CC2D2B: variants seen among roughly 807,000 people sequenced by gnomAD.
CC2D2B encodes the protein coiled-coil and C2 domain containing 2B.
Under a neutral mutation model 161.2 loss-of-function variants are expected in CC2D2B, and 128 were observed. That is an observed-to-expected ratio of 0.79 (90% CI 0.69 to 0.92). CC2D2B has a LOEUF of 0.92. CC2D2B is among the 40% of genes least tolerant of loss of function. The pLI is 0.00. For synonymous variants in CC2D2B, 391 were observed against 449.8 expected, an observed-to-expected ratio of 0.87 and a Z score of 1.65; for missense variants, 1,173 against 1,375.1, an observed-to-expected ratio of 0.85 and a Z score of 2.32.
chr10:95,969,456 C>T (rs989398996), intron 15 of CC2D2B, among the ~76,000 whole-genome samples: 2 of 151,194 alleles, frequency 1.3e-5, no homozygotes, highest in Non-Finnish European at 2.9e-5. Flanking sequence ...AGACAACAAA[C>T]GAGTCTAGAC....
At chr10:95,956,296 G>C (rs1474789230) in intron 11 of CC2D2B, among the ~76,000 whole-genome samples, 1 of 151,616 alleles carries the variant, frequency 6.6e-6, no homozygotes, top group African/African-American at 2.4e-5. Flanking sequence ...CACACACAAA[G>C]ACAGCATGAA....
chr10:95,918,530 G>A (rs528734068), intron 2 of CC2D2B, among the ~76,000 whole-genome samples: 146 of 152,246 alleles, frequency 9.6e-4, no homozygotes, highest in Non-Finnish European at 2.0e-3. Flanking sequence ...TTCCCTTGCT[G>A]CTTTTAGGAT....
At chr10:96,019,182 A>G in intron 30 of CC2D2B, 21 bp from the exon 31 acceptor site, 4 of 1,549,190 alleles carry the variant, frequency 2.6e-6, no homozygotes, top group Non-Finnish European at 3.5e-6. Context: ...ACCAAAAATT[A>G]CTTTCTTTTT....
rs923153700 is a variant in CC2D2B at position 95,968,594 on chromosome 10, T to G, written c.1467-130T>G. 2.2e-5 allele frequency: 9 copies of G among 401,940 alleles called. No individual in the cohort carries two copies. The East Asian group carries it at 3.3e-4, about 15-fold the overall frequency. 24.9% of individuals were successfully genotyped at this position (401,940 alleles called of 1,614,324 possible). A position where few individuals can be genotyped will look rare whatever the true frequency, so the allele number is the denominator to read the frequency against. On this transcript the variant is annotated intron_variant, in intron 14 of 34. Transcript: ENST00000646931. The stretch of plus-strand genomic sequence containing the variant: ...TTATCCACATGTAGACAAGTGTTAT[T>G]TGATGTAAAGATAACATTTGTCCTC...
chr10:95,968,289 G>A (rs2077011779), intron 14 of CC2D2B, among the ~76,000 whole-genome samples: 1 of 152,130 alleles, frequency 6.6e-6, no homozygotes, highest in South Asian at 2.1e-4. Context: ...CATGGTGTGT[G>A]GAGGGTTGTG....
intron 19 of CC2D2B, 122 bp from the exon 20 acceptor site, chr10:95,988,128 A>G (rs2077803773): frequency 2.5e-6 from 1 of 400,586 alleles, no homozygotes; most frequent in African/African-American, 2.1e-5. Flanking sequence ...TTCTTCTGTC[A>G]GTCTCAGAAT....
chr10:96,010,337 G>GTT lies in CC2D2B; in HGVS notation c.3045+416_3045+417dup, dbSNP rs2078932888. On this transcript the variant is annotated intron_variant, in intron 26 of 34. Coordinates refer to ENST00000646931, the MANE Select transcript of CC2D2B (RefSeq NM_001349008.3). ...AGACCCTCAGAGGGCTCTGCTGTTG[G>GTT]TTTATTATGTAGCAGGAAAATGCCT... Among the ~76,000 whole-genome samples the GTT allele has an allele frequency of 2.6e-5, 4 of 152,226 alleles. No homozygotes were observed. In the South Asian group the frequency reaches 6.2e-4, roughly 24 times the overall value.
chr10:96,022,891 GAA>G (rs1285889065), intron 32 of CC2D2B, among the ~76,000 whole-genome samples: 1 of 152,198 alleles, frequency 6.6e-6, no homozygotes, highest in Non-Finnish European at 1.5e-5. Context: ...GGCTTCCTGG[GAA>G]AGAGTGATGA....
At chr10:96,006,593 A>G (rs949473240) in intron 25 of CC2D2B, among the ~76,000 whole-genome samples, 4 of 152,110 alleles carry the variant, frequency 2.6e-5, no homozygotes, top group African/African-American at 9.7e-5. Flanking sequence ...ATTAACATAC[A>G]AAGATGTTCC....
At position 96,009,878 on chromosome 10, in the gene CC2D2B, T is replaced by G. The variant is rs1310311437; in HGVS notation, c.3000T>G (p.Leu1000=). 2 of 1,610,442 alleles carry G rather than the reference T, an allele frequency of 1.2e-6. No individual in the cohort carries two copies. Among genetic ancestry groups the G allele is most frequent in the Admixed American group, 1.7e-5 (1 of 59,796 alleles). Residue 1000 remains leucine (L), a synonymous_variant, in exon 26 of 35, where the codon CTT becomes CTG. Transcript: ENST00000646931. The part of the protein sequence containing the change: ...SGHSYIRKNW[L]GCIVFPFSAL... Reference sequence around the variant, plus strand: ...ACTCATATATAAGAAAGAATTGGCTTGGATGCATTGTCTTCCCTTTTTCTG... The same window carrying G: ...ACTCATATATAAGAAAGAATTGGCTGGGATGCATTGTCTTCCCTTTTTCTG...
rs1564683966 is a variant in CC2D2B, at chr10:96,025,174, TATATATATATA to T, written c.3947+265_3947+275del. Among the ~76,000 whole-genome samples, 83 of 15,070 alleles carry T rather than the reference TATATATATATA, an allele frequency of 5.5e-3. 3 individuals carry two copies. Among genetic ancestry groups the T allele is most frequent in the South Asian group, 4.6e-3 (2 of 438 alleles). 9.9% of individuals were successfully genotyped at this position (15,070 alleles called of 152,430 possible). ...AAAAAAATATATATATATATATATA[TATATATATATA>T]AAAAAAAATATATATATATATATAT... On this transcript the variant is annotated intron_variant, in intron 33 of 34. Transcript: ENST00000646931.
chr10:96,023,660 A>C (rs955523326), intron 32 of CC2D2B, among the ~76,000 whole-genome samples: 1 of 152,196 alleles, frequency 6.6e-6, no homozygotes, highest in African/African-American at 2.4e-5. Flanking sequence ...GATGACACAA[A>C]GTCATCCTTC....
intron 6 of CC2D2B, among the ~76,000 whole-genome samples, chr10:95,933,181 G>T (rs1341288136): frequency 1.3e-5 from 2 of 151,522 alleles, no homozygotes; most frequent in South Asian, 2.1e-4. Flanking sequence ...TCAGCTGTTG[G>T]TACTTTTGTA....
intron 24 of CC2D2B, among the ~76,000 whole-genome samples, chr10:96,003,021 A>AATAAATATATATATATATATATATAT (rs1366887388): frequency 1.4e-5 from 2 of 140,700 alleles, no homozygotes; most frequent in African/African-American, 5.2e-5. Flanking sequence ...AAAATAAATA[A>AATAAATATATATATATATATATATAT]ATATATATAT....
intron 29 of CC2D2B, 29 bp downstream of exon 29, chr10:96,013,906 TG>T: frequency 1.9e-6 from 2 of 1,078,676 alleles, no homozygotes; most frequent in Non-Finnish European, 2.6e-6. Flanking sequence ...TATATATAAT[TG>T]AAATATATAG....
chr10:96,011,428 C>T (rs997877366), intron 26 of CC2D2B, among the ~76,000 whole-genome samples: 1 of 152,114 alleles, frequency 6.6e-6, no homozygotes, highest in African/African-American at 2.4e-5. Context: ...TTCTCTGACC[C>T]TCAGTTTGCT....
chr10:96,013,910 A>T, intron 29 of CC2D2B, 33 bp downstream of exon 29: 1 of 1,013,070 alleles, frequency 9.9e-7, no homozygotes, highest in Non-Finnish European at 1.4e-6. Context: ...TATAATTGAA[A>T]TATATAGTAT....
intron 11 of CC2D2B, among the ~76,000 whole-genome samples, chr10:95,958,246 C>G (rs1180085369): frequency 6.6e-6 from 1 of 152,154 alleles, no homozygotes; most frequent in Non-Finnish European, 1.5e-5. Flanking sequence ...AATCCCAGCA[C>G]TTTGAGAGGC....
chr10:95,947,107 ATATATAT>A lies in CC2D2B; in HGVS notation c.802-2787_802-2781del, dbSNP rs1274143485. 4.2e-4 allele frequency among the ~76,000 whole-genome samples: 16 copies of A among 38,002 alleles called. No homozygotes were observed. In the East Asian group the frequency reaches 0.011, roughly 25 times the overall value. 24.9% of individuals were successfully genotyped at this position (38,002 alleles called of 152,430 possible). On this transcript the variant is annotated intron_variant, in intron 9 of 34. Coordinates refer to ENST00000646931, the MANE Select transcript of CC2D2B (RefSeq NM_001349008.3). Reference sequence around the variant, plus strand: ...AATATATATATATATATATATATATATATATATTTTTTTTTTTTTTTTTGAGACAAAG... The same window carrying A: ...AATATATATATATATATATATATATATTTTTTTTTTTTTTTTGAGACAAAG...
Sources: gnomAD v4.1 joint callset for allele counts (sites outside exome capture counted in the v4.1 genomes callset) on GRCh38, gnomAD v4.1.1 for gene constraint, MANE v1.5 for transcripts, NCBI Gene and HGNC (gene_info 2026-07-23, HGNC 2026-07-21) for gene names.